The following CNBD1 variants were observed in gnomAD, a reference collection of about 807,000 sequenced individuals.
The protein encoded by CNBD1 is cyclic nucleotide binding domain containing 1.
In CNBD1, 71 loss-of-function variants were observed where a neutral mutation model predicts 54.4. The ratio of observed to expected loss-of-function variants is 1.30; its 90% CI spans 1.08 to 1.59. The LOEUF (loss-of-function observed/expected upper bound fraction) is 1.59. CNBD1 is among the 40% of genes most tolerant of loss of function. The pLI, the probability that CNBD1 is intolerant of heterozygous loss-of-function variation, is 0.00. For synonymous variants in CNBD1, 182 were observed against 170.7 expected (o/e 1.07, Z -0.51); for missense variants, 659 against 518.0 (o/e 1.27, Z -2.64).
intron 6 of CNBD1, among the ~76,000 whole-genome samples, chr8:87,270,756 C>T (rs527358438): frequency 7.9e-5 from 12 of 151,814 alleles, no homozygotes; most frequent in Admixed American, 7.2e-4. Context: ...GTGGGTAATG[C>T]TGACCTTATA....
At chr8:87,381,808 G>T (rs1035706268) in intron 10 of CNBD1, among the ~76,000 whole-genome samples, 5 of 151,796 alleles carry the variant, frequency 3.3e-5, no homozygotes, top group Admixed American at 6.6e-5. Context: ...CAAATTTATA[G>T]GATTAAAAAG....
intron 3 of CNBD1, among the ~76,000 whole-genome samples, chr8:86,935,017 G>GTTTA (rs199778224): frequency 0.11 from 6,952 of 65,850 alleles, 176 homozygotes; most frequent in Non-Finnish European, 0.16. Context: ...TTGTTTGTTT[G>GTTTA]TTTATTTATT....
At chr8:87,332,693 T>C (rs111528178) in intron 8 of CNBD1, among the ~76,000 whole-genome samples, 1,822 of 152,242 alleles carry the variant, frequency 0.012, 38 homozygotes, top group African/African-American at 0.039. Flanking sequence ...GTTGTAGATA[T>C]GTGGTCTTAT....
At chr8:87,031,064 T>C (rs1329164226) in intron 4 of CNBD1, among the ~76,000 whole-genome samples, 3 of 150,480 alleles carry the variant, frequency 2.0e-5, no homozygotes, top group African/African-American at 4.9e-5. Context: ...TGTTTCACAG[T>C]TGGGTTTTAT....
intron 3 of CNBD1, among the ~76,000 whole-genome samples, chr8:86,927,803 C>T (rs887966377): frequency 6.6e-6 from 1 of 152,068 alleles, no homozygotes; most frequent in Non-Finnish European, 1.5e-5. Context: ...GGTTTTTCCT[C>T]AGGATAAGCT....
Position 87,091,139 on chromosome 8 carries a change from C to CAA in CNBD1, c.432-114834_432-114833dup, listed in dbSNP as rs751329879. On this transcript the variant is annotated intron_variant, in intron 4 of 10. Coordinates refer to ENST00000518476, the MANE Select transcript of CNBD1 (RefSeq NM_173538.3). ...TGGGTGACAGAGTGAGACTCTGTCTCAAAAAAAAAAAAAAAAAAAAAGTTA... is the reference window on the plus strand; with the variant it reads ...TGGGTGACAGAGTGAGACTCTGTCTCAAAAAAAAAAAAAAAAAAAAAAAGTTA... Among the ~76,000 whole-genome samples, 590 of 73,750 alleles carry CAA rather than the reference C, an allele frequency of 8.0e-3. 11 individuals are homozygous for CAA. In the East Asian group the frequency reaches 0.093, roughly 12 times the overall value. The allele number at this position is 73,750 out of a possible 152,430, so 48.4% of individuals were successfully genotyped here. A position where few individuals can be genotyped will look rare whatever the true frequency, so the allele number is the denominator to read the frequency against.
intron 4 of CNBD1, among the ~76,000 whole-genome samples, chr8:86,948,671 G>C (rs1807529742): frequency 1.3e-5 from 2 of 152,096 alleles, no homozygotes; most frequent in South Asian, 2.1e-4. Flanking sequence ...TCCCTTGTCA[G>C]AGGGGTAGTT....
At chr8:87,103,277 T>C (rs576187489) in intron 4 of CNBD1, among the ~76,000 whole-genome samples, 1 of 152,270 alleles carries the variant, frequency 6.6e-6, no homozygotes, top group Admixed American at 6.5e-5. Flanking sequence ...CAAAAAGCCT[T>C]GATTTATTAA....
intron 1 of CNBD1, among the ~76,000 whole-genome samples, chr8:86,874,986 T>TATA (rs1554626871): frequency 3.3e-5 from 4 of 120,118 alleles, no homozygotes; most frequent in African/African-American, 1.4e-4. Context: ...GTAAATCAAT[T>TATA]TATATATATA....
intron 4 of CNBD1, among the ~76,000 whole-genome samples, chr8:87,191,785 A>C (rs1813615530): frequency 6.6e-6 from 1 of 152,196 alleles, no homozygotes; most frequent in South Asian, 2.1e-4. Flanking sequence ...CAGCATCTTG[A>C]CACGAAGTAA....
intron 4 of CNBD1, among the ~76,000 whole-genome samples, chr8:87,122,969 C>A (rs1405986840): frequency 2.0e-5 from 3 of 151,836 alleles, no homozygotes; most frequent in Non-Finnish European, 4.4e-5. Context: ...GTTTTCAAAT[C>A]TAGTAATGTG....
At chr8:87,040,527 C>T (rs1166926709) in intron 4 of CNBD1, among the ~76,000 whole-genome samples, 2 of 150,932 alleles carry the variant, frequency 1.3e-5, no homozygotes, top group East Asian at 3.9e-4. Context: ...AGGTTAATGC[C>T]ATTCTCCTGC....
intron 4 of CNBD1, among the ~76,000 whole-genome samples, chr8:86,997,995 G>A (rs912044221): frequency 7.2e-5 from 11 of 151,962 alleles, no homozygotes; most frequent in East Asian, 1.9e-4. Context: ...TAATGTACTC[G>A]GGATTCCTTT....
chr8:86,878,707 T>G (rs1808562213), intron 1 of CNBD1, among the ~76,000 whole-genome samples: 1 of 152,216 alleles, frequency 6.6e-6, no homozygotes, highest in African/African-American at 2.4e-5. Context: ...TAAGGTTTAG[T>G]GGCTGCATCC....
At chr8:86,966,663 G>A (rs147410504) in intron 4 of CNBD1, among the ~76,000 whole-genome samples, 1,749 of 152,208 alleles carry the variant, frequency 0.011, 11 homozygotes, top group Non-Finnish European at 0.017. Flanking sequence ...TAAAGGTGGC[G>A]CGTCTGGAGT....
At chr8:86,973,128 G>A (rs1427838069) in intron 4 of CNBD1, among the ~76,000 whole-genome samples, 1 of 152,012 alleles carries the variant, frequency 6.6e-6, no homozygotes, top group Non-Finnish European at 1.5e-5. Flanking sequence ...ATACTGTTTG[G>A]CTCCTACCTA....
intron 4 of CNBD1, among the ~76,000 whole-genome samples, chr8:87,141,602 G>T (rs1466637613): frequency 2.0e-5 from 3 of 151,884 alleles, no homozygotes; most frequent in Non-Finnish European, 4.4e-5. Context: ...TTCAGTGGTT[G>T]ATTTTTTTTT....
intron 4 of CNBD1, among the ~76,000 whole-genome samples, chr8:87,068,451 A>T (rs1436013738): frequency 6.6e-6 from 1 of 152,016 alleles, no homozygotes; most frequent in Non-Finnish European, 1.5e-5. Flanking sequence ...GGTTTTATGT[A>T]AAGAAACAAT....
chr8:87,142,293 A>G (rs1812386411), intron 4 of CNBD1, among the ~76,000 whole-genome samples: 1 of 152,162 alleles, frequency 6.6e-6, no homozygotes, highest in Non-Finnish European at 1.5e-5. Context: ...AATAATCAGT[A>G]ATGAAGTCCT....
Sources: gnomAD v4.1 joint callset for allele counts (sites outside exome capture counted in the v4.1 genomes callset) on GRCh38, gnomAD v4.1.1 for gene constraint, MANE v1.5 for transcripts, NCBI Gene and HGNC (gene_info 2026-07-23, HGNC 2026-07-21) for gene names.